ANK2: variants seen among roughly 807,000 people sequenced by gnomAD.
ANK2 encodes the protein ankyrin 2.
A neutral mutation model predicts 360.5 loss-of-function variants in ANK2; 83 were observed. The observed-to-expected ratio is 0.23, with a 90% CI of 0.19 to 0.28. The LOEUF (loss-of-function observed/expected upper bound fraction) is 0.28, where lower values mean the gene tolerates loss of function less well. Among genes scored for constraint, ANK2 ranks in the 10% least tolerant of loss-of-function variants. ANK2 has a pLI of 1.00. For synonymous variants in ANK2, 1,740 were observed against 1,759.5 expected (o/e 0.99, Z 0.28); for missense variants, 4,201 against 4,795.7 (o/e 0.88, Z 3.66).
At chr4:113,289,034 G>A (rs939310766) in intron 20 of ANK2, among the ~76,000 whole-genome samples, 1 of 152,094 alleles carries the variant, frequency 6.6e-6, no homozygotes, top group Admixed American at 6.5e-5. Context: ...GTCCTATTCA[G>A]CAAAGCAAGG....
At chr4:113,030,897 G>A (rs968154686) in intron 2 of ANK2, among the ~76,000 whole-genome samples, 1 of 152,100 alleles carries the variant, frequency 6.6e-6, no homozygotes, top group Non-Finnish European at 1.5e-5. Context: ...TTAAGTGAGG[G>A]GGATGTTGAT....
intron 32 of ANK2, 111 bp from the exon 33 acceptor site, chr4:113,341,576 CT>C: frequency 2.6e-6 from 3 of 1,141,992 alleles, no homozygotes; most frequent in East Asian, 2.4e-5. Flanking sequence ...CTCTCACTTC[CT>C]TTTTTCCAAG....
chr4:112,888,744 T>C lies in ANK2; in HGVS notation c.-39-15711T>C, dbSNP rs75869474. On this transcript the variant is annotated intron_variant, in intron 1 of 30. Coordinates refer to the ANK2 transcript ENST00000503271. Reference sequence around the variant, plus strand: ...CACTACCACTAGCTTGGTCTGATTATAGTTAATCCACTGCCTACAACATGA... The same window carrying C: ...CACTACCACTAGCTTGGTCTGATTACAGTTAATCCACTGCCTACAACATGA... Among the ~76,000 whole-genome samples the C allele has an allele frequency of 1.5e-3, 221 of 152,304 alleles. 1 individual carries two copies. Among genetic ancestry groups the C allele is most frequent in the African/African-American group, 5.1e-3 (211 of 41,576 alleles).
At chr4:112,978,651 A>G (rs931227749) in intron 2 of ANK2, among the ~76,000 whole-genome samples, 3 of 152,140 alleles carry the variant, frequency 2.0e-5, no homozygotes, top group Admixed American at 6.5e-5. Context: ...CATGTATCTG[A>G]ATATCCTTCC....
At chr4:113,250,531 T>A (rs2045582771) in intron 10 of ANK2, among the ~76,000 whole-genome samples, 1 of 152,226 alleles carries the variant, frequency 6.6e-6, no homozygotes, top group Admixed American at 6.5e-5. Flanking sequence ...TGCTGAAGAT[T>A]TTTCATTATC....
chr4:113,224,107 C>G (rs986843633), intron 4 of ANK2, among the ~76,000 whole-genome samples: 1 of 152,120 alleles, frequency 6.6e-6, no homozygotes, highest in African/African-American at 2.4e-5. Context: ...ACCTTAGCCT[C>G]AGAAATCACG....
chr4:113,004,497 T>C (rs562261201), intron 2 of ANK2, among the ~76,000 whole-genome samples: 4 of 152,296 alleles, frequency 2.6e-5, no homozygotes, highest in Non-Finnish European at 5.9e-5. Context: ...CTTGCTCCAC[T>C]GGAAGGTCTT....
chr4:113,125,544 A>G (rs964153994), intron 1 of ANK2, among the ~76,000 whole-genome samples: 1 of 152,174 alleles, frequency 6.6e-6, no homozygotes, highest in Non-Finnish European at 1.5e-5. Flanking sequence ...CCTCTGCTTA[A>G]TTCTGTCTAC....
rs1272772997 is a variant in ANK2 at position 113,356,916 on chromosome 4, T to C, written c.8298T>C (p.Thr2766=). The C allele has an allele frequency of 6.2e-7, 1 of 1,614,070 alleles. No individual in the cohort carries two copies. Among genetic ancestry groups the C allele is most frequent in the Non-Finnish European group, 8.5e-7 (1 of 1,179,980 alleles). Residue 2766 remains threonine (T), a synonymous_variant, in exon 38 of 46, where the codon ACT becomes ACC. Coordinates refer to ENST00000357077, the MANE Select transcript of ANK2 (RefSeq NM_001148.6). The part of the protein sequence containing the change: ...DRSYDKLNRD[T]DQPKICDGHG... ...CTTATGATAAGCTAAACAGAGACAC[T>C]GATCAGCCAAAAATCTGTGATGGCC...
chr4:112,859,399 ATTCTTACGTGG>A (rs970653723), intron 1 of ANK2, among the ~76,000 whole-genome samples: 42 of 152,196 alleles, frequency 2.8e-4, no homozygotes, highest in African/African-American at 9.4e-4. Flanking sequence ...AATTCCTGCT[ATTCTTACGTGG>A]TTCCAAAACC....
At chr4:112,758,732 A>G in the ANK2 span, among the ~76,000 whole-genome samples, 1 of 152,146 alleles carries the variant, frequency 6.6e-6, no homozygotes, top group Non-Finnish European at 1.5e-5. Context: ...CTTTCTAATC[A>G]ATCTTCTCAA....
At chr4:113,333,013 T>C (rs1232316296) in intron 28 of ANK2, 41 bp from the exon 29 acceptor site, 4 of 1,613,654 alleles carry the variant, frequency 2.5e-6, no homozygotes, top group African/African-American at 2.7e-5. Flanking sequence ...TGCTGTTAGT[T>C]AGCTCCTGTC....
intron 2 of ANK2, among the ~76,000 whole-genome samples, chr4:113,182,020 CTT>C (rs2098426325): frequency 1.3e-5 from 2 of 152,082 alleles, no homozygotes; most frequent in Non-Finnish European, 2.9e-5. Context: ...GCAGGGAACA[CTT>C]TTGTGATACT....
intron 1 of ANK2, chr4:112,827,571 A>G: frequency 9.3e-7 from 1 of 1,077,866 alleles, no homozygotes; most frequent in Admixed American, 1.7e-5. Flanking sequence ...AGGAGATGAA[A>G]TATTCTCGAG....
intron 2 of ANK2, among the ~76,000 whole-genome samples, chr4:113,185,787 G>A (rs1346212107): frequency 1.3e-5 from 2 of 152,164 alleles, no homozygotes; most frequent in Non-Finnish European, 2.9e-5. Flanking sequence ...CTTTGTCCAT[G>A]CCTATGTCCT....
rs537858937 is a variant in ANK2 at position 112,997,605 on chromosome 4, A to G, written c.21+93091A>G. Among the ~76,000 whole-genome samples the G allele has an allele frequency of 2.6e-5, 4 of 152,208 alleles. No homozygotes were observed. The East Asian group carries it at 7.7e-4, about 29-fold the overall frequency. On this transcript the variant is annotated intron_variant, in intron 2 of 30. Coordinates refer to the ANK2 transcript ENST00000503271. ...ACTCCATAGAACTTCCCTGTTTTGG[A>G]GACTGTAGCATTTGTTCTTTTCTTC...
chr4:113,279,694 A>G lies in ANK2; in HGVS notation c.1881+1136A>G, dbSNP rs191350512. Among the ~76,000 whole-genome samples, 372 of 148,414 alleles carry G rather than the reference A, an allele frequency of 2.5e-3. 9 individuals are homozygous for G. The highest frequency in any genetic ancestry group is 0.023 in the Admixed American group (342 of 14,802). Reference sequence around the variant, plus strand: ...ATGTTCTGTATAATATATATTTTATATATAAATATATTATATATATCATAA... The same window carrying G: ...ATGTTCTGTATAATATATATTTTATGTATAAATATATTATATATATCATAA... On this transcript the variant is annotated intron_variant, in intron 17 of 45. Coordinates refer to ENST00000357077, the MANE Select transcript of ANK2 (RefSeq NM_001148.6).
At chr4:112,934,635 G>A (rs924686413) in intron 2 of ANK2, among the ~76,000 whole-genome samples, 10 of 152,166 alleles carry the variant, frequency 6.6e-5, no homozygotes, top group Admixed American at 5.9e-4. Flanking sequence ...CATGGTTACA[G>A]GATAGAATTA....
chr4:112,959,096 C>G (rs982734838), intron 2 of ANK2, among the ~76,000 whole-genome samples: 1 of 152,086 alleles, frequency 6.6e-6, no homozygotes, highest in Non-Finnish European at 1.5e-5. Context: ...GTGATCCGCC[C>G]GCCTCGGCCT....
Sources: allele counts gnomAD v4.1 joint callset (sites outside exome capture counted in the v4.1 genomes callset), GRCh38; gene constraint gnomAD v4.1.1; transcripts MANE v1.5; gene names NCBI Gene and HGNC (gene_info 2026-07-23, HGNC 2026-07-21).